PITPNM3: variants seen among roughly 807,000 people sequenced by gnomAD.
PITPNM3 encodes the protein membrane-associated phosphatidylinositol transfer protein 3.
In PITPNM3, 26 loss-of-function variants were observed where a neutral mutation model predicts 102.0. That is an observed-to-expected ratio of 0.25 (90% CI 0.19 to 0.35). The LOEUF (loss-of-function observed/expected upper bound fraction) is 0.35. Among genes scored for constraint, PITPNM3 ranks in the 10% least tolerant of loss-of-function variants. The pLI, the probability that PITPNM3 is intolerant of heterozygous loss-of-function variation, is 1.00. For missense variants in PITPNM3, 1,083 were observed against 1,346.1 expected (o/e 0.80, Z 3.06); for synonymous variants, 578 against 558.6 (o/e 1.03, Z -0.49).
chr17:6,508,109 A>C (rs1907648854), intron 3 of PITPNM3, among the ~76,000 whole-genome samples: 1 of 151,284 alleles, frequency 6.6e-6, no homozygotes, highest in African/African-American at 2.5e-5. Context: ...AGGCCGGAAG[A>C]AGCTCGGGGA....
In PITPNM3 at chr17:6,472,870, C is replaced by A; in HGVS notation, c.1259-43G>T. On this transcript the variant is annotated intron_variant, in intron 10 of 19. Transcript: ENST00000262483. This position sits in a 1 kb window ranked among gnomAD's most constrained non-coding sequence, Gnocchi z 4.1. ...ACAGAGGGAAGCCACTTTCTAGTAC[C>A]TGCTCCCTGGGCCCTAGGAGGCTCC... 1.2e-6 allele frequency: 2 copies of A among 1,608,438 alleles called. No homozygotes were observed. The highest frequency in any genetic ancestry group is 1.7e-6 in the Non-Finnish European group (2 of 1,176,788).
At chr17:6,493,281 T>G (rs1906603959) in intron 4 of PITPNM3, among the ~76,000 whole-genome samples, 1 of 152,148 alleles carries the variant, frequency 6.6e-6, no homozygotes, top group Non-Finnish European at 1.5e-5. Flanking sequence ...GCTGAGGGTA[T>G]GTCTGATGCC....
At chr17:6,463,702 G>A (rs775871049) in intron 17 of PITPNM3, 30 bp downstream of exon 17, 4 of 1,607,942 alleles carry the variant, frequency 2.5e-6, no homozygotes, top group Admixed American at 3.4e-5. Context: ...CCCCCAGGGA[G>A]ATATAGCCCT....
chr17:6,538,122 T>C, intron 1 of PITPNM3, 40 bp from the exon 2 acceptor site: 5 of 1,498,904 alleles, frequency 3.3e-6, no homozygotes, highest in Non-Finnish European at 4.6e-6. Flanking sequence ...GCCTGAGATG[T>C]TGTCCCAGTA....
Position 6,468,577 on chromosome 17 carries a change from T to C in PITPNM3, c.1774-236A>G, listed in dbSNP as rs1193575114. ...TTCCTGAGAGAAGTCTCTGCCCCGC[T>C]GTGCCCAAACCTGGCAGCCACCTCT... On this transcript the variant is annotated intron_variant, in intron 13 of 19. Coordinates refer to ENST00000262483, the MANE Select transcript of PITPNM3 (RefSeq NM_031220.4). This position sits in a 1 kb window ranked among gnomAD's most constrained non-coding sequence, Gnocchi z 5.2. 6.6e-6 allele frequency among the ~76,000 whole-genome samples: 1 copy of C among 152,134 alleles called. No homozygotes were observed. Among genetic ancestry groups the C allele is most frequent in the Non-Finnish European group, 1.5e-5 (1 of 68,012 alleles).
intron 2 of PITPNM3, among the ~76,000 whole-genome samples, chr17:6,528,438 ATGTG>A (rs1189163070): frequency 2.7e-5 from 4 of 150,648 alleles, no homozygotes; most frequent in Non-Finnish European, 5.9e-5. Context: ...CTCTCTTGCT[ATGTG>A]TGTGTGCACG....
In PITPNM3 at chr17:6,472,793, G is replaced by A; in HGVS notation, c.1293C>T (p.Tyr431=). 6.2e-7 allele frequency: 1 copy of A among 1,614,156 alleles called. No individual in the cohort carries two copies. Among genetic ancestry groups the A allele is most frequent in the Non-Finnish European group, 8.5e-7 (1 of 1,180,002 alleles). The stretch of plus-strand genomic sequence containing the variant: ...AGGGGTCTGCGCAATGGAAGAAGCT[G>A]TAGACCTGGCTGCAGGCAGGACGCA... ...FQVRPACSQV[Y]SFFHCADPSA... The change falls in exon 11 of 20, where the codon TAC becomes TAT. Residue 431 remains tyrosine (Y), a synonymous_variant. Coordinates refer to ENST00000262483, the MANE Select transcript of PITPNM3 (RefSeq NM_031220.4). The surrounding 1 kb of genome is among the most constrained non-coding windows in gnomAD (Gnocchi z 4.1).
chr17:6,485,283 C>T (rs903061589), intron 4 of PITPNM3, among the ~76,000 whole-genome samples: 1 of 151,788 alleles, frequency 6.6e-6, no homozygotes, highest in East Asian at 1.9e-4. Flanking sequence ...CTCAGCCTCC[C>T]GAGTAGCTGG....
intron 6 of PITPNM3, chr17:6,480,420 C>G (rs1472658429): frequency 6.6e-6 from 1 of 152,314 alleles, no homozygotes; most frequent in Non-Finnish European, 1.5e-5. Flanking sequence ...TTTGGCCCTC[C>G]CCGCACTGAG....
chr17:6,535,326 G>GGACCA (rs1031316311), intron 2 of PITPNM3, among the ~76,000 whole-genome samples: 11 of 152,268 alleles, frequency 7.2e-5, no homozygotes, highest in Middle Eastern at 3.4e-3. Context: ...GGGCTGGGCT[G>GGACCA]GACCAGAGCC....
intron 4 of PITPNM3, among the ~76,000 whole-genome samples, chr17:6,501,660 C>T (rs79384759): frequency 0.02 from 3,028 of 152,168 alleles, 111 homozygotes; most frequent in East Asian, 0.16. Context: ...GTCCACTCTG[C>T]CCACCACCTC....
chr17:6,508,746 G>T (rs1055847667), intron 3 of PITPNM3, among the ~76,000 whole-genome samples: 1 of 152,190 alleles, frequency 6.6e-6, no homozygotes, highest in African/African-American at 2.4e-5. Context: ...GGCTGGTGAG[G>T]CCACCGACGG....
intron 4 of PITPNM3, among the ~76,000 whole-genome samples, chr17:6,492,702 C>T (rs895423715): frequency 2.6e-5 from 4 of 151,938 alleles, no homozygotes; most frequent in Middle Eastern, 3.4e-3. Context: ...ACTAAAAATA[C>T]AAAAATTAGT....
At chr17:6,492,210 C>T (rs904128301) in intron 4 of PITPNM3, among the ~76,000 whole-genome samples, 1 of 9,930 alleles carries the variant, frequency 1.0e-4, no homozygotes, top group Admixed American at 8.5e-4. Context: ...ACTACAGGCG[C>T]CCCCCCACCA....
intron 2 of PITPNM3, among the ~76,000 whole-genome samples, chr17:6,527,123 G>A (rs1567688761): frequency 6.6e-6 from 1 of 152,208 alleles, no homozygotes; most frequent in South Asian, 2.1e-4. Flanking sequence ...ACGACTCAGG[G>A]TCTATAGCTC....
Position 6,482,064 on chromosome 17 carries a change from C to G in PITPNM3, c.587+1453G>C, listed in dbSNP as rs11653565. Among the ~76,000 whole-genome samples, 200 of 58,154 alleles carry G rather than the reference C, an allele frequency of 3.4e-3. 2 individuals carry two copies. Among genetic ancestry groups the G allele is most frequent in the African/African-American group, 5.0e-3 (118 of 23,818 alleles). The allele number at this position is 58,154 out of a possible 152,430, so 38.2% of individuals were successfully genotyped here. A position where few individuals can be genotyped will look rare whatever the true frequency, so the allele number is the denominator to read the frequency against. ...TGTCTCTCTCTCTCTCTCTCTCTCT[C>G]TGTCTCTCTCTCTCTCTCTCTCTGA... On this transcript the variant is annotated intron_variant, in intron 6 of 19. Coordinates refer to ENST00000262483, the MANE Select transcript of PITPNM3 (RefSeq NM_031220.4).
intron 1 of PITPNM3, among the ~76,000 whole-genome samples, chr17:6,554,938 G>A (rs1597426393): frequency 6.6e-6 from 1 of 152,214 alleles, no homozygotes; most frequent in East Asian, 1.9e-4. Flanking sequence ...ACAGTGCCCT[G>A]GCAGGTGACC....
intron 1 of PITPNM3, among the ~76,000 whole-genome samples, chr17:6,548,545 A>G (rs1043074081): frequency 4.6e-5 from 7 of 152,154 alleles, no homozygotes; most frequent in African/African-American, 1.7e-4. Context: ...CAGGGCCAAA[A>G]GGAGTTCTGT....
intron 18 of PITPNM3, chr17:6,460,614 G>A: frequency 6.6e-6 from 1 of 152,600 alleles, no homozygotes; most frequent in Admixed American, 6.5e-5. Context: ...TGAAATTCAT[G>A]TAATTTGCAT....
Sources: gnomAD v4.1 joint callset for allele counts (sites outside exome capture counted in the v4.1 genomes callset) on GRCh38, gnomAD v4.1.1 for gene constraint, Gnocchi (gnomAD v3.1) non-coding constraint, MANE v1.5 for transcripts, NCBI Gene and HGNC (gene_info 2026-07-23, HGNC 2026-07-21) for gene names.